Variants in RBFOX1 observed in about 807,000 individuals in gnomAD.
The protein encoded by RBFOX1 is RNA binding fox-1 homolog 1.
RBFOX1 carries 8 observed loss-of-function variants against 57.7 expected under a neutral mutation model. The observed-to-expected ratio is 0.14, with a 90% CI of 0.08 to 0.25. The LOEUF (loss-of-function observed/expected upper bound fraction) is 0.25. Among genes scored for constraint, RBFOX1 ranks in the 10% least tolerant of loss-of-function variants. RBFOX1 has a pLI of 1.00. For synonymous variants in RBFOX1, 326 were observed against 222.4 expected (o/e 1.47, Z -4.15); for missense variants, 611 against 548.5 (o/e 1.11, Z -1.14).
chr16:6,930,295 T>C (rs4786951), intron 3 of RBFOX1, among the ~76,000 whole-genome samples: 92,227 of 152,028 alleles, frequency 0.61, 28,113 homozygotes, highest in East Asian at 0.76. Context: ...CCAAAAGATA[T>C]ATACAAATGG....
chr16:5,989,280 G>A (rs960772279), intron 4 of RBFOX1, among the ~76,000 whole-genome samples: 2 of 152,016 alleles, frequency 1.3e-5, no homozygotes, highest in African/African-American at 4.8e-5. Flanking sequence ...ACAGTGAGCC[G>A]AGATGGCGCC....
intron 3 of RBFOX1, among the ~76,000 whole-genome samples, chr16:6,995,487 G>C (rs909484039): frequency 6.6e-6 from 1 of 152,078 alleles, no homozygotes; most frequent in Non-Finnish European, 1.5e-5. Context: ...CTTTGAAGAG[G>C]GGTGTGGTGG....
At chr16:6,069,463 T>A (rs1474547739) in intron 1 of RBFOX1, among the ~76,000 whole-genome samples, 2 of 150,634 alleles carry the variant, frequency 1.3e-5, no homozygotes, top group South Asian at 4.2e-4. Flanking sequence ...CCCTACTAAG[T>A]TGAAGAAAGC....
At chr16:6,479,672 T>G (rs935723523) in intron 2 of RBFOX1, among the ~76,000 whole-genome samples, 3 of 152,108 alleles carry the variant, frequency 2.0e-5, no homozygotes, top group African/African-American at 7.2e-5. Context: ...TGGAGGAAAC[T>G]GCCCCCATGA....
At chr16:6,446,541 T>A (rs1459913159) in intron 2 of RBFOX1, among the ~76,000 whole-genome samples, 4 of 152,180 alleles carry the variant, frequency 2.6e-5, no homozygotes, top group Non-Finnish European at 4.4e-5. Flanking sequence ...ATGCCTTCTG[T>A]ATTCAAGTGA....
chr16:5,500,208 T>TTCCATTCCAC (rs2043144349), intron 2 of RBFOX1, among the ~76,000 whole-genome samples: 1 of 131,010 alleles, frequency 7.6e-6, no homozygotes, highest in African/African-American at 3.2e-5. Context: ...TTCCATTCCA[T>TTCCATTCCAC]TGCATTCCGT....
intron 4 of RBFOX1, among the ~76,000 whole-genome samples, chr16:5,917,660 G>A (rs2058737959): frequency 6.6e-6 from 1 of 152,148 alleles, no homozygotes; most frequent in Admixed American, 6.5e-5. Context: ...GCACGGAAAT[G>A]GTTATGTCCC....
At chr16:7,424,057 C>A (rs987331814) in intron 4 of RBFOX1, among the ~76,000 whole-genome samples, 2 of 152,122 alleles carry the variant, frequency 1.3e-5, no homozygotes, top group Non-Finnish European at 2.9e-5. Context: ...CGAAAATCTT[C>A]CAAGCTGATT....
At chr16:7,403,055 C>A (rs2098271121) in intron 4 of RBFOX1, among the ~76,000 whole-genome samples, 1 of 152,184 alleles carries the variant, frequency 6.6e-6, no homozygotes, top group African/African-American at 2.4e-5. Context: ...TTGATTTCTC[C>A]TGGATTATCT....
At chr16:5,340,473 T>C (rs1293651887) in intron 1 of RBFOX1, among the ~76,000 whole-genome samples, 1 of 152,218 alleles carries the variant, frequency 6.6e-6, no homozygotes, top group East Asian at 1.9e-4. Context: ...ATTGCTGCCA[T>C]GGGCACATAT....
chr16:6,008,076 G>A (rs1221076649), intron 4 of RBFOX1, among the ~76,000 whole-genome samples: 1 of 152,128 alleles, frequency 6.6e-6, no homozygotes, highest in Non-Finnish European at 1.5e-5. Flanking sequence ...ATGGTGGCAT[G>A]CACCTGTAGT....
intron 3 of RBFOX1, among the ~76,000 whole-genome samples, chr16:5,706,851 T>G (rs1263055740): frequency 6.6e-6 from 1 of 152,092 alleles, no homozygotes; most frequent in Non-Finnish European, 1.5e-5. Flanking sequence ...CATGGCTTTT[T>G]TTTTGGTGTA....
chr16:5,293,265 G>C (rs957479966), intron 1 of RBFOX1, among the ~76,000 whole-genome samples: 2 of 152,094 alleles, frequency 1.3e-5, no homozygotes, highest in African/African-American at 4.8e-5. Flanking sequence ...GAGGTGTCCT[G>C]TGTCCACACC....
chr16:6,457,547 T>C (rs1032210458), intron 2 of RBFOX1, among the ~76,000 whole-genome samples: 1 of 151,592 alleles, frequency 6.6e-6, no homozygotes, highest in Non-Finnish European at 1.5e-5. Context: ...ACTTTAATCA[T>C]CTGAGCTCTA....
At chr16:6,183,640 A>T (rs565559260) in intron 1 of RBFOX1, among the ~76,000 whole-genome samples, 1 of 152,234 alleles carries the variant, frequency 6.6e-6, no homozygotes, top group East Asian at 1.9e-4. Flanking sequence ...GGAGGTGGTG[A>T]GGAAAAGATT....
Position 5,239,965 on chromosome 16 carries a change from G to T in RBFOX1, c.79G>T (p.Asp27Tyr). 3 of 1,525,748 alleles carry T rather than the reference G, an allele frequency of 2.0e-6. No individual in the cohort carries two copies. In the South Asian group the frequency reaches 3.6e-5, roughly 18 times the overall value. The allele number at this position is 1,525,748 out of a possible 1,614,324, so 94.5% of individuals were successfully genotyped here. ...TGGCCGGCCCAGGAGGGAGGAGGACGACGTCCCTCCCGAAGAGAAGAGGCT... is the reference window on the plus strand; with the variant it reads ...TGGCCGGCCCAGGAGGGAGGAGGACTACGTCCCTCCCGAAGAGAAGAGGCT... Residue 27 changes from aspartate (D) to tyrosine (Y), a missense_variant, in exon 1 of 3, where the codon GAC becomes TAC. By Grantham distance (160) the Asp-to-Tyr change is radical. Transcript: ENST00000585867.
intron 1 of RBFOX1, among the ~76,000 whole-genome samples, chr16:6,188,804 G>A (rs1362646765): frequency 1.3e-5 from 2 of 152,140 alleles, no homozygotes; most frequent in African/African-American, 4.8e-5. Context: ...TCCTACCGCT[G>A]ATACTTTGAA....
intron 4 of RBFOX1, among the ~76,000 whole-genome samples, chr16:7,125,106 A>G (rs1306267223): frequency 6.6e-6 from 1 of 152,138 alleles, no homozygotes; most frequent in African/African-American, 2.4e-5. Context: ...AAAAGCCAAA[A>G]TGACAATATG....
chr16:7,458,750 C>A (rs1437201512), intron 4 of RBFOX1, among the ~76,000 whole-genome samples: 1 of 152,140 alleles, frequency 6.6e-6, no homozygotes, highest in East Asian at 1.9e-4. Context: ...TCAGATAAGA[C>A]CTCCTTGACT....
Sources: gnomAD v4.1 joint callset for allele counts (sites outside exome capture counted in the v4.1 genomes callset) on GRCh38, gnomAD v4.1.1 for gene constraint, MANE v1.5 for transcripts, NCBI Gene and HGNC (gene_info 2026-07-23, HGNC 2026-07-21) for gene names.